The following PAX5 variants were observed in gnomAD, a reference collection of about 807,000 sequenced individuals.
PAX5 encodes paired box 5, also known as paired box protein Pax-5.
In PAX5, 9 loss-of-function variants were observed where a neutral mutation model predicts 43.7. The observed-to-expected ratio is 0.21, with a 90% CI of 0.12 to 0.36. PAX5 has a LOEUF of 0.36. Among genes scored for constraint, PAX5 ranks in the 10% least tolerant of loss-of-function variants. The pLI, the probability that PAX5 is intolerant of heterozygous loss-of-function variation, is 1.00. For missense variants in PAX5, 383 were observed against 532.7 expected (o/e 0.72, Z 2.77); for synonymous variants, 228 against 214.3 (o/e 1.06, Z -0.56).
At chr9:36,879,820 G>A (rs960317469) in intron 8 of PAX5, among the ~76,000 whole-genome samples, 1 of 152,196 alleles carries the variant, frequency 6.6e-6, no homozygotes, top group African/African-American at 2.4e-5. Context: ...TCCCAAGGCC[G>A]CCTGGACGTG....
rs528118501 is a variant in PAX5 at position 37,033,733 on chromosome 9, C to A, written c.46+253G>T. Among the ~76,000 whole-genome samples, 4 of 152,296 alleles carry A rather than the reference C, an allele frequency of 2.6e-5. No homozygotes were observed. In the South Asian group the frequency reaches 6.2e-4, roughly 24 times the overall value. On this transcript the variant is annotated intron_variant, in intron 1 of 9. Transcript: ENST00000358127. ...CCTTATATAAACACACAGGCCCTAA[C>A]TTGCAGACCCCCGGAAGGACGCCAG...
At chr9:36,899,377 A>G (rs1430795889) in intron 7 of PAX5, among the ~76,000 whole-genome samples, 1 of 152,132 alleles carries the variant, frequency 6.6e-6, no homozygotes, top group Non-Finnish European at 1.5e-5. Flanking sequence ...TGTCCTGCTC[A>G]CTTCTGTTTC....
chr9:36,897,222 G>C (rs1023013083), intron 7 of PAX5, among the ~76,000 whole-genome samples: 1 of 152,220 alleles, frequency 6.6e-6, no homozygotes, highest in Non-Finnish European at 1.5e-5. Context: ...GGGCCCAGAG[G>C]TAGGAACCGA....
At chr9:36,941,911 A>T (rs975434319) in intron 6 of PAX5, among the ~76,000 whole-genome samples, 2 of 152,208 alleles carry the variant, frequency 1.3e-5, no homozygotes, top group East Asian at 3.9e-4. Context: ...ACCCTTTCCA[A>T]TCACATAGCT....
chr9:36,875,953 C>T (rs1315020006), intron 8 of PAX5, among the ~76,000 whole-genome samples: 2 of 152,202 alleles, frequency 1.3e-5, no homozygotes, highest in Admixed American at 6.5e-5. Flanking sequence ...TTTTAAGTCA[C>T]TCATTTGTGG....
rs531022356 is a variant in PAX5 at position 36,902,142 on chromosome 9, G to C, written c.911-20037C>G. 3.3e-5 allele frequency among the ~76,000 whole-genome samples: 5 copies of C among 152,256 alleles called. No individual in the cohort carries two copies. In the South Asian group the frequency reaches 1.0e-3, roughly 32 times the overall value. ...GTCAAGCAAAGAAAGGTGAGAGAAA[G>C]AAGAAAATCCATAAAGGCTCGGCAA... On this transcript the variant is annotated intron_variant, in intron 7 of 9. Coordinates refer to ENST00000358127, the MANE Select transcript of PAX5 (RefSeq NM_016734.3).
intron 5 of PAX5, among the ~76,000 whole-genome samples, chr9:36,970,678 G>T (rs1392678264): frequency 2.6e-5 from 4 of 152,170 alleles, no homozygotes; most frequent in Non-Finnish European, 4.4e-5. Flanking sequence ...TCAGCCGCAG[G>T]TGATTCACTG....
At chr9:36,854,376 G>A (rs1823449700) in intron 8 of PAX5, among the ~76,000 whole-genome samples, 1 of 152,108 alleles carries the variant, frequency 6.6e-6, no homozygotes, top group Admixed American at 6.5e-5. Context: ...GTATGTATAC[G>A]TAATAATATG....
chr9:36,970,328 A>T (rs1482092677), intron 5 of PAX5, among the ~76,000 whole-genome samples: 1 of 152,110 alleles, frequency 6.6e-6, no homozygotes, highest in Non-Finnish European at 1.5e-5. Flanking sequence ...ATGCTCGTAC[A>T]AAGGCCCTGA....
At chr9:36,922,673 G>A (rs74631646) in intron 7 of PAX5, 3,094 of 152,446 alleles carry the variant, frequency 0.02, 107 homozygotes, top group African/African-American at 0.07. Context: ...TTCCACAGAC[G>A]AACAAATTAA....
At position 36,882,221 on chromosome 9, in the gene PAX5, T is replaced by A; in HGVS notation, c.911-116A>T. 1 of 725,122 alleles carries A rather than the reference T, an allele frequency of 1.4e-6. No homozygotes were observed. Among genetic ancestry groups the A allele is most frequent in the African/African-American group, 1.8e-5 (1 of 55,886 alleles). 44.9% of individuals were successfully genotyped at this position (725,122 alleles called of 1,614,324 possible). A position where few individuals can be genotyped will look rare whatever the true frequency, so the allele number is the denominator to read the frequency against. On this transcript the variant is annotated intron_variant, in intron 7 of 9. Coordinates refer to ENST00000358127, the MANE Select transcript of PAX5 (RefSeq NM_016734.3). The surrounding 1 kb of genome is among the most constrained non-coding windows in gnomAD (Gnocchi z 4.4). Reference sequence around the variant, plus strand: ...CACGTTTGGACGCTGAACGGCAATGTGCCCCCAGCTCCCCCCTGTCGCTCA... The same window carrying A: ...CACGTTTGGACGCTGAACGGCAATGAGCCCCCAGCTCCCCCCTGTCGCTCA...
intron 2 of PAX5, among the ~76,000 whole-genome samples, chr9:37,018,836 G>A (rs1029252887): frequency 2.0e-5 from 3 of 152,134 alleles, no homozygotes; most frequent in East Asian, 1.9e-4. Flanking sequence ...GGCTGGTCTC[G>A]GAAGCATCCC....
At position 36,834,561 on chromosome 9, in the gene PAX5, T is replaced by C. The variant is rs1821510473; in HGVS notation, c.*5999A>G. On this transcript the variant is annotated 3_prime_UTR_variant, in exon 10 of 10. Coordinates refer to ENST00000358127, the MANE Select transcript of PAX5 (RefSeq NM_016734.3). ...TTTATTTATTTTCTTTTTAGCTTTA[T>C]AGCAATTAATTGGCTATTGATTGGT... The C allele has an allele frequency of 4.3e-6, 1 of 233,266 alleles. No homozygotes were observed. The highest frequency in any genetic ancestry group is 2.2e-5 in the African/African-American group (1 of 45,466). 14.4% of individuals were successfully genotyped at this position (233,266 alleles called of 1,614,324 possible). A position where few individuals can be genotyped will look rare whatever the true frequency, so the allele number is the denominator to read the frequency against.
chr9:36,967,686 A>T (rs1348653943), intron 5 of PAX5, among the ~76,000 whole-genome samples: 2 of 152,204 alleles, frequency 1.3e-5, no homozygotes, highest in Admixed American at 6.5e-5. Context: ...TATGAGAAAC[A>T]TTTACAGTGG....
chr9:37,003,181 A>G (rs1364592765), intron 4 of PAX5, among the ~76,000 whole-genome samples: 1 of 99,046 alleles, frequency 1.0e-5, no homozygotes, highest in Non-Finnish European at 2.1e-5. Flanking sequence ...AAAAAAAAAA[A>G]CCTGAACTAC....
intron 8 of PAX5, among the ~76,000 whole-genome samples, chr9:36,866,523 C>T (rs943936973): frequency 1.7e-4 from 26 of 152,162 alleles, no homozygotes; most frequent in African/African-American, 5.3e-4. Context: ...GATCTGCATT[C>T]AGGAAGAGCA....
chr9:36,884,778 C>T (rs12554674), intron 7 of PAX5, among the ~76,000 whole-genome samples: 9,534 of 152,292 alleles, frequency 0.063, 337 homozygotes, highest in Middle Eastern at 0.16. Context: ...TGGAAAATTT[C>T]GGTGAAATAG....
Position 37,026,397 on chromosome 9 carries a change from C to G in PAX5, c.47-5596G>C, listed in dbSNP as rs1564091848. ...TTGTTTCAGGTCCCCTGCCTGGGATCCCTGCACTTTGCAAAGTTAGCTGCG... is the reference window on the plus strand; with the variant it reads ...TTGTTTCAGGTCCCCTGCCTGGGATGCCTGCACTTTGCAAAGTTAGCTGCG... On this transcript the variant is annotated intron_variant, in intron 1 of 9. Coordinates refer to ENST00000358127, the MANE Select transcript of PAX5 (RefSeq NM_016734.3). The G allele has an allele frequency of 4.0e-6, 3 of 750,408 alleles. No homozygotes were observed. In the East Asian group the frequency reaches 1.6e-4, roughly 39 times the overall value. 46.5% of individuals were successfully genotyped at this position (750,408 alleles called of 1,614,324 possible). A position where few individuals can be genotyped will look rare whatever the true frequency, so the allele number is the denominator to read the frequency against.
In PAX5 at chr9:36,950,955, G is replaced by C. The variant is rs1226982089; in HGVS notation, c.780+15594C>G. On this transcript the variant is annotated intron_variant, in intron 6 of 9. Transcript: ENST00000358127. ...CGGGGTTTCACCATCTCGAGACCAA[G>C]CTGGTCTCAAACTCCTGACCTCGTG... Among the ~76,000 whole-genome samples, 5 of 152,106 alleles carry C rather than the reference G, an allele frequency of 3.3e-5. No individual in the cohort carries two copies. The East Asian group carries it at 9.7e-4, about 29-fold the overall frequency.
Sources: gnomAD v4.1 joint callset for allele counts (sites outside exome capture counted in the v4.1 genomes callset) on GRCh38, gnomAD v4.1.1 for gene constraint, Gnocchi (gnomAD v3.1) non-coding constraint, MANE v1.5 for transcripts, NCBI Gene and HGNC (gene_info 2026-07-23, HGNC 2026-07-21) for gene names.